MIER1: variants seen among roughly 807,000 people sequenced by gnomAD.
MIER1 encodes MIER1 transcriptional regulator.
MIER1 carries 40 observed loss-of-function variants against 75.7 expected under a neutral mutation model. The observed-to-expected ratio is 0.53, with a 90% CI of 0.41 to 0.69. MIER1 has a LOEUF of 0.69. MIER1 is among the 30% of genes least tolerant of loss of function. The pLI, the probability that MIER1 is intolerant of heterozygous loss-of-function variation, is 0.00. For synonymous variants in MIER1, 213 were observed against 223.4 expected, an observed-to-expected ratio of 0.95 and a Z score of 0.42; for missense variants, 574 against 680.2, an observed-to-expected ratio of 0.84 and a Z score of 1.74.
chr1:66,978,886 T>C (rs1250796887), intron 12 of MIER1, among the ~76,000 whole-genome samples: 1 of 152,190 alleles, frequency 6.6e-6, no homozygotes, highest in Non-Finnish European at 1.5e-5. Context: ...GATCTCCCCA[T>C]AGCTTCTGAA....
chr1:66,963,858 G>C (rs1661763200), intron 8 of MIER1, among the ~76,000 whole-genome samples: 2 of 151,836 alleles, frequency 1.3e-5, no homozygotes, highest in African/African-American at 4.8e-5. Flanking sequence ...CAGTGAGCCA[G>C]TATCGCACCA....
chr1:66,925,594 C>T (rs2100969226), intron 1 of MIER1: 1 of 963,496 alleles, frequency 1.0e-6, no homozygotes, highest in Non-Finnish European at 1.2e-6. Context: ...GGAGGAGAGA[C>T]TCGAATAGGG....
At chr1:66,949,864 G>T (rs1229340846) in intron 4 of MIER1, among the ~76,000 whole-genome samples, 1 of 152,140 alleles carries the variant, frequency 6.6e-6, no homozygotes, top group African/African-American at 2.4e-5. Context: ...CATTCATTCA[G>T]GAAATATCAA....
intron 4 of MIER1, chr1:66,947,144 A>C (rs1301213941): frequency 4.1e-6 from 1 of 246,142 alleles, no homozygotes; most frequent in Non-Finnish European, 6.5e-6. Context: ...GGTGGTGTTC[A>C]GATCCACATC....
At chr1:66,947,903 C>G (rs1658047495) in intron 4 of MIER1, 2 of 984,798 alleles carry the variant, frequency 2.0e-6, no homozygotes, top group Non-Finnish European at 1.2e-6. Flanking sequence ...CTGGTATATG[C>G]ATCCCAAGGC....
In MIER1 at chr1:66,985,740, T is replaced by C. The variant is rs1320751331; in HGVS notation, c.*840T>C. The C allele has an allele frequency of 5.1e-6, 5 of 979,700 alleles. No homozygotes were observed. The Admixed American group carries it at 3.1e-4, about 60-fold the overall frequency. 60.7% of individuals were successfully genotyped at this position (979,700 alleles called of 1,614,324 possible). ...ATTTTGCTAAGGTTTTTCTAATGAA[T>C]TTTTAAGTGTTTGTGTAGTAATTAA... is the stretch of plus-strand genomic sequence containing the variant. On this transcript the variant is annotated 3_prime_UTR_variant, in exon 14 of 14. Coordinates refer to ENST00000401041, the MANE Select transcript of MIER1 (RefSeq NM_001077700.3).
At chr1:66,955,453 A>G (rs1473194019) in intron 4 of MIER1, among the ~76,000 whole-genome samples, 1 of 148,766 alleles carries the variant, frequency 6.7e-6, no homozygotes, top group Non-Finnish European at 1.5e-5. Flanking sequence ...CCCTCAAGGT[A>G]ATTCTGATAC....
rs1655823500 is a variant in MIER1 at position 66,940,069 on chromosome 1, T to A, written c.193+17T>A. On this transcript the variant is annotated intron_variant, in intron 3 of 13. Transcript: ENST00000401041. Reference sequence around the variant, plus strand: ...CAAGTCCAGGTAAGTATTTTCCATATTTTTTATAATCTCGATTTGAGTAAC... The same window carrying A: ...CAAGTCCAGGTAAGTATTTTCCATAATTTTTATAATCTCGATTTGAGTAAC... The A allele has an allele frequency of 6.3e-7, 1 of 1,588,912 alleles. No individual in the cohort carries two copies.
chr1:66,960,587 G>A (rs1317754293), intron 7 of MIER1, among the ~76,000 whole-genome samples: 1 of 152,142 alleles, frequency 6.6e-6, no homozygotes, highest in Non-Finnish European at 1.5e-5. Context: ...CTGAGGTAGG[G>A]AGAATCACTT....
chr1:66,925,152 G>A lies in MIER1; in HGVS notation c.67+57G>A, dbSNP rs1651191880. The A allele has an allele frequency of 7.2e-6, 11 of 1,532,298 alleles. No individual in the cohort carries two copies. The South Asian group carries it at 7.3e-5, about 10-fold the overall frequency. The allele number at this position is 1,532,298 out of a possible 1,614,324, so 94.9% of individuals were successfully genotyped here. A position where few individuals can be genotyped will look rare whatever the true frequency, so the allele number is the denominator to read the frequency against. The stretch of plus-strand genomic sequence containing the variant: ...CTTCTATTCCAGTTTGGGATGAGGG[G>A]CTCCTGAGGTGTCCTCAGTCCCCTT... On this transcript the variant is annotated intron_variant, in intron 1 of 13. Transcript: ENST00000401041.
Position 66,986,105 on chromosome 1 carries a change from T to C in MIER1, c.*1205T>C. On this transcript the variant is annotated 3_prime_UTR_variant, in exon 14 of 14. Transcript: ENST00000401041. Reference sequence around the variant, plus strand: ...TATTGGCACACACAAGGAACAACTGTTGGCAGGCAGTATCGATTTTATGAA... The same window carrying C: ...TATTGGCACACACAAGGAACAACTGCTGGCAGGCAGTATCGATTTTATGAA... The C allele has an allele frequency of 9.1e-7, 1 of 1,094,216 alleles. No homozygotes were observed. Among genetic ancestry groups the C allele is most frequent in the Non-Finnish European group, 1.1e-6 (1 of 899,310 alleles). The allele number at this position is 1,094,216 out of a possible 1,614,324, so 67.8% of individuals were successfully genotyped here. A position where few individuals can be genotyped will look rare whatever the true frequency, so the allele number is the denominator to read the frequency against.
chr1:66,925,212 C>T (rs1651224799), intron 1 of MIER1, 117 bp downstream of exon 1: 3 of 1,398,226 alleles, frequency 2.1e-6, no homozygotes, highest in South Asian at 1.6e-5. Context: ...AGTGTACCGC[C>T]CGGAAGACCC....
intron 4 of MIER1, chr1:66,948,033 A>G (rs1029733587): frequency 1.0e-6 from 1 of 978,284 alleles, no homozygotes; most frequent in Non-Finnish European, 1.2e-6. Flanking sequence ...ACTGTCCCCT[A>G]TTCAATGCTT....
chr1:66,988,138 CAGAT>C lies in MIER1; in HGVS notation c.*3241_*3244del, dbSNP rs1358202920. On this transcript the variant is annotated 3_prime_UTR_variant, in exon 14 of 14. Coordinates refer to ENST00000401041, the MANE Select transcript of MIER1 (RefSeq NM_001077700.3). ...TGGGGTGTGTAACTAAATACCAAAT[CAGAT>C]AGTAAGGTTTTCCCAACTATAATCC... is the stretch of plus-strand genomic sequence containing the variant. The C allele has an allele frequency of 7.1e-6, 1 of 140,594 alleles. No individual in the cohort carries two copies. The highest frequency in any genetic ancestry group is 2.6e-5 in the African/African-American group (1 of 38,676). 8.7% of individuals were successfully genotyped at this position (140,594 alleles called of 1,614,324 possible). A position where few individuals can be genotyped will look rare whatever the true frequency, so the allele number is the denominator to read the frequency against.
chr1:66,946,676 A>G, intron 4 of MIER1: 4 of 991,212 alleles, frequency 4.0e-6, no homozygotes, highest in African/African-American at 3.5e-5. Context: ...ATCATTTTCC[A>G]TTCACTACAT....
chr1:66,980,649 T>C (rs746259508), intron 12 of MIER1, among the ~76,000 whole-genome samples: 1 of 152,194 alleles, frequency 6.6e-6, no homozygotes, highest in Non-Finnish European at 1.5e-5. Flanking sequence ...TCTATCATAC[T>C]TATGCTGAAG....
At chr1:66,945,287 ATATATATATATATATATATATATATATAT>A (rs1558041834) in intron 3 of MIER1, among the ~76,000 whole-genome samples, 153 of 6,120 alleles carry the variant, frequency 0.025, 2 homozygotes, top group African/African-American at 0.18. Context: ...ATATATATAT[ATATATATATATATATATATATATATATAT>A]AAAATACCTA....
At chr1:66,930,981 GT>G (rs1474683984) in intron 2 of MIER1, among the ~76,000 whole-genome samples, 1 of 152,074 alleles carries the variant, frequency 6.6e-6, no homozygotes, top group African/African-American at 2.4e-5. Context: ...TATCCAGACA[GT>G]TCCATCTCCC....
intron 8 of MIER1, among the ~76,000 whole-genome samples, chr1:66,970,343 T>A (rs900454688): frequency 3.9e-5 from 6 of 152,216 alleles, no homozygotes; most frequent in Admixed American, 1.3e-4. Flanking sequence ...TTGGTGAGCA[T>A]TCTTCTAGAC....
Sources: allele counts gnomAD v4.1 joint callset (sites outside exome capture counted in the v4.1 genomes callset), GRCh38; gene constraint gnomAD v4.1.1; transcripts MANE v1.5; gene names NCBI Gene and HGNC (gene_info 2026-07-23, HGNC 2026-07-21).